The following PAH variants were observed in gnomAD, a reference collection of about 807,000 sequenced individuals.
PAH encodes phenylalanine-4-hydroxylase.
Under a neutral mutation model 62.0 loss-of-function variants are expected in PAH, and 64 were observed. That is an observed-to-expected ratio of 1.03 (90% CI 0.84 to 1.27). The LOEUF (loss-of-function observed/expected upper bound fraction) is 1.27. PAH is among the 50% of genes most tolerant of loss of function. PAH has a pLI of 0.00. For missense variants in PAH, 579 were observed against 542.8 expected (o/e 1.07, Z -0.66); for synonymous variants, 195 against 196.2 (o/e 0.99, Z 0.05).
chr12:102,868,103 T>TAC (rs1555205841), intron 4 of PAH, among the ~76,000 whole-genome samples: 7 of 23,414 alleles, frequency 3.0e-4, no homozygotes, highest in African/African-American at 1.9e-3. Context: ...TATATATATA[T>TAC]ACACATATAT....
chr12:102,899,909 A>T (rs1877680749), intron 2 of PAH, among the ~76,000 whole-genome samples: 1 of 148,928 alleles, frequency 6.7e-6, no homozygotes, highest in Non-Finnish European at 1.5e-5. Context: ...AAACAACAAC[A>T]TGTATTAAAA....
intron 1 of PAH, chr12:102,913,841 T>C: frequency 1.4e-6 from 1 of 701,994 alleles, no homozygotes; most frequent in Non-Finnish European, 2.6e-6. Context: ...GGGTTAGGGC[T>C]GACATTCCAG....
chr12:102,862,882 T>G (rs1875790978), intron 5 of PAH, among the ~76,000 whole-genome samples: 1 of 152,158 alleles, frequency 6.6e-6, no homozygotes, highest in South Asian at 2.1e-4. Context: ...AGATAGCATT[T>G]TGCTTAAGTA....
At chr12:102,921,639 A>G (rs1478018039), upstream of PAH, among the ~76,000 whole-genome samples, 1 of 152,212 alleles carries the variant, frequency 6.6e-6, no homozygotes, top group Non-Finnish European at 1.5e-5. Context: ...TCTAGCATCT[A>G]GATCTATCAT....
chr12:102,878,062 G>T (rs984536694), intron 3 of PAH, among the ~76,000 whole-genome samples: 3 of 152,108 alleles, frequency 2.0e-5, no homozygotes, highest in African/African-American at 7.2e-5. Context: ...TTGACCTCAG[G>T]TGACCCACCC....
At chr12:102,909,614 A>G (rs1345890223) in intron 2 of PAH, among the ~76,000 whole-genome samples, 1 of 152,176 alleles carries the variant, frequency 6.6e-6, no homozygotes, top group African/African-American at 2.4e-5. Context: ...TCTTTTCTCT[A>G]CTTATTCATA....
chr12:102,893,200 G>A (rs1351974376), intron 3 of PAH, among the ~76,000 whole-genome samples: 1 of 152,100 alleles, frequency 6.6e-6, no homozygotes, highest in African/African-American at 2.4e-5. Context: ...GAGAGTTTGA[G>A]ACCAGCTTGA....
chr12:102,892,666 C>T (rs549471579), intron 3 of PAH, among the ~76,000 whole-genome samples: 12 of 152,242 alleles, frequency 7.9e-5, no homozygotes, highest in African/African-American at 2.6e-4. Flanking sequence ...ATATGTATTG[C>T]TAAATGGAGG....
chr12:102,906,014 C>A lies in PAH; in HGVS notation c.168+6777G>T, dbSNP rs1877961720. Among the ~76,000 whole-genome samples, 3 of 151,748 alleles carry A rather than the reference C, an allele frequency of 2.0e-5. No homozygotes were observed. In the South Asian group the frequency reaches 6.3e-4, roughly 32 times the overall value. ...ACAGTATTCAGAGTATATAAAATGT[C>A]AAAAAATCGGTAAGAAAAAGGCACA... On this transcript the variant is annotated intron_variant, in intron 2 of 12. Coordinates refer to ENST00000553106, the MANE Select transcript of PAH (RefSeq NM_000277.3).
At chr12:102,911,182 A>C (rs1878189223) in intron 2 of PAH, among the ~76,000 whole-genome samples, 1 of 152,192 alleles carries the variant, frequency 6.6e-6, no homozygotes, top group Admixed American at 6.5e-5. Context: ...CAAGGTGCCC[A>C]GGGGAGGAGA....
chr12:102,940,435 A>T (rs1015152933), intron 1 of PAH, among the ~76,000 whole-genome samples: 1 of 152,236 alleles, frequency 6.6e-6, no homozygotes, highest in Non-Finnish European at 1.5e-5. Flanking sequence ...GGAATTCAGT[A>T]AAATGATTCA....
intron 11 of PAH, among the ~76,000 whole-genome samples, chr12:102,841,288 A>G (rs1332642450): frequency 6.6e-6 from 1 of 152,136 alleles, no homozygotes; most frequent in Non-Finnish European, 1.5e-5. Flanking sequence ...ATCATGCAAT[A>G]CCATTAACAA....
At position 102,837,890 on chromosome 12, in the gene PAH, T is replaced by G. The variant is rs1191646598; in HGVS notation, c.*1285A>C. ...AAAATGGGGTACTTAAAAATACAGGTCTCTGGGCCTTATCTTCAGAGATTC... is the reference window on the plus strand; with the variant it reads ...AAAATGGGGTACTTAAAAATACAGGGCTCTGGGCCTTATCTTCAGAGATTC... On this transcript the variant is annotated 3_prime_UTR_variant, in exon 13 of 13. Coordinates refer to ENST00000553106, the MANE Select transcript of PAH (RefSeq NM_000277.3). 6.6e-6 allele frequency: 1 copy of G among 152,154 alleles called. No individual in the cohort carries two copies. Among genetic ancestry groups the G allele is most frequent in the Non-Finnish European group, 1.5e-5 (1 of 68,024 alleles). The allele number at this position is 152,154 out of a possible 1,614,324, so 9.4% of individuals were successfully genotyped here.
chr12:102,851,021 C>G (rs1875121234), intron 8 of PAH, among the ~76,000 whole-genome samples: 1 of 150,608 alleles, frequency 6.6e-6, no homozygotes, highest in South Asian at 2.1e-4. Flanking sequence ...AAGTCTGAGG[C>G]TGCAGTGAAC....
chr12:102,910,743 C>T (rs1195030137), intron 2 of PAH, among the ~76,000 whole-genome samples: 2 of 152,274 alleles, frequency 1.3e-5, no homozygotes, highest in East Asian at 3.9e-4. Flanking sequence ...TTTGGAGACT[C>T]AGCTCATGTG....
intron 2 of PAH, among the ~76,000 whole-genome samples, chr12:102,902,204 T>C (rs1020219957): frequency 2.6e-5 from 4 of 152,032 alleles, no homozygotes; most frequent in African/African-American, 9.7e-5. Flanking sequence ...GAATGCACAA[T>C]GTGAGGGCAG....
intron 2 of PAH, among the ~76,000 whole-genome samples, chr12:102,901,467 A>G (rs1877758342): frequency 6.6e-6 from 1 of 152,128 alleles, no homozygotes; most frequent in Admixed American, 6.5e-5. Context: ...TTCAGTAGGT[A>G]CTCCTTATAC....
At chr12:102,877,607 C>A in intron 3 of PAH, 57 bp from the exon 4 acceptor site, 2 of 1,320,006 alleles carry the variant, frequency 1.5e-6, no homozygotes, top group African/African-American at 2.9e-5. Context: ...TGGCCAAAGG[C>A]CTTGCTGAGA....
intron 5 of PAH, among the ~76,000 whole-genome samples, chr12:102,859,099 G>A (rs1316175559): frequency 1.3e-5 from 2 of 152,018 alleles, no homozygotes; most frequent in East Asian, 3.9e-4. Flanking sequence ...AAGAAGAAAA[G>A]AGAGAAAAAT....
Sources: gnomAD v4.1 joint callset for allele counts (sites outside exome capture counted in the v4.1 genomes callset) on GRCh38, gnomAD v4.1.1 for gene constraint, MANE v1.5 for transcripts, NCBI Gene and HGNC (gene_info 2026-07-23, HGNC 2026-07-21) for gene names.